The following OR10J1 variants were observed in gnomAD, a reference collection of about 807,000 sequenced individuals.
The protein encoded by OR10J1 is olfactory receptor 10J1.
For missense variants in OR10J1, 474 were observed against 376.6 expected, an observed-to-expected ratio of 1.26 and a Z score of -2.14; for synonymous variants, 202 against 143.8, an observed-to-expected ratio of 1.40 and a Z score of -2.89.
At chr1:159,411,373 T>C in the OR10J1 span, among the ~76,000 whole-genome samples, 1 of 152,194 alleles carries the variant, frequency 6.6e-6, no homozygotes. Flanking sequence ...TTTATGAATC[T>C]GGGTGCTCCT....
chr1:159,421,829 G>A, the OR10J1 span, among the ~76,000 whole-genome samples: 10 of 152,108 alleles, frequency 6.6e-5, no homozygotes, highest in African/African-American at 2.4e-4. Context: ...GACGTACGCT[G>A]GCACTGATTT....
the OR10J1 span, among the ~76,000 whole-genome samples, chr1:159,403,077 ACC>A: frequency 6.6e-6 from 1 of 152,036 alleles, no homozygotes. Context: ...ATTAAACTAG[ACC>A]CCTATCTCTC....
At chr1:159,400,933 A>G in the OR10J1 span, among the ~76,000 whole-genome samples, 1 of 152,002 alleles carries the variant, frequency 6.6e-6, no homozygotes, top group Non-Finnish European at 1.5e-5. Context: ...TCTGGCCAAA[A>G]GGGGATGAAA....
the OR10J1 span, among the ~76,000 whole-genome samples, chr1:159,412,139 A>G: frequency 6.6e-6 from 1 of 152,050 alleles, no homozygotes; most frequent in African/African-American, 2.4e-5. Flanking sequence ...AGGGACGTGA[A>G]GGACCTCTTC....
At chr1:159,423,139 T>C in the OR10J1 span, among the ~76,000 whole-genome samples, 1 of 152,242 alleles carries the variant, frequency 6.6e-6, no homozygotes, top group Non-Finnish European at 1.5e-5. Flanking sequence ...ATACAACAGA[T>C]GGTTCATGTA....
chr1:159,406,289 C>T, the OR10J1 span: 2 of 521,666 alleles, frequency 3.8e-6, no homozygotes, highest in Non-Finnish European at 3.9e-6. Context: ...ACAAAGAAGA[C>T]AAATCTGTGC....
chr1:159,426,284 T>G, the OR10J1 span, among the ~76,000 whole-genome samples: 1 of 151,820 alleles, frequency 6.6e-6, no homozygotes, highest in African/African-American at 2.4e-5. Flanking sequence ...ATTTTAATAA[T>G]CTACCACTTC....
chr1:159,405,862 T>A, the OR10J1 span: 137 of 766,170 alleles, frequency 1.8e-4, 1 homozygote, highest in Admixed American at 9.5e-4. Context: ...GATGACAAAG[T>A]CATCACAAAA....
At chr1:159,439,250 C>T (rs1459496430), upstream of OR10J1, among the ~76,000 whole-genome samples, 2 of 152,132 alleles carry the variant, frequency 1.3e-5, no homozygotes, top group African/African-American at 2.4e-5. Context: ...ACTAGTCCAT[C>T]CCTAAACAAA....
the OR10J1 span, among the ~76,000 whole-genome samples, chr1:159,414,787 G>T: frequency 2.6e-5 from 4 of 152,132 alleles, 1 homozygote; most frequent in Admixed American, 2.6e-4. Flanking sequence ...AGGGTAAGAT[G>T]ATATATCTCA....
chr1:159,430,658 T>C, the OR10J1 span, among the ~76,000 whole-genome samples: 15 of 78,884 alleles, frequency 1.9e-4, no homozygotes, highest in African/African-American at 5.0e-4. Context: ...TGTGTGTGTG[T>C]GTGTGTGTGT....
the OR10J1 span, among the ~76,000 whole-genome samples, chr1:159,410,386 G>T: frequency 6.6e-6 from 1 of 152,120 alleles, no homozygotes; most frequent in Non-Finnish European, 1.5e-5. Flanking sequence ...GCCTGTAATT[G>T]GTCTATTCAG....
the OR10J1 span, among the ~76,000 whole-genome samples, chr1:159,400,807 G>A: frequency 6.6e-6 from 1 of 151,774 alleles, no homozygotes; most frequent in Non-Finnish European, 1.5e-5. Flanking sequence ...TACAAGAGCT[G>A]CAGAATACAC....
chr1:159,430,640 G>GGGGTGTGTGTGT, the OR10J1 span, among the ~76,000 whole-genome samples: 139 of 140,928 alleles, frequency 9.9e-4, 1 homozygote, highest in East Asian at 0.017. Flanking sequence ...AAAAAATTAT[G>GGGGTGTGTGTGT]GTGTGTGTGT....
the OR10J1 span, among the ~76,000 whole-genome samples, chr1:159,431,763 C>T: frequency 1.3e-5 from 2 of 152,206 alleles, no homozygotes; most frequent in Non-Finnish European, 2.9e-5. Context: ...AACACTTCAT[C>T]ATAAAATAGA....
At chr1:159,415,974 G>T in the OR10J1 span, among the ~76,000 whole-genome samples, 1 of 151,410 alleles carries the variant, frequency 6.6e-6, no homozygotes, top group Admixed American at 6.6e-5. Context: ...AAGAAATAAA[G>T]AATTCACTAG....
chr1:159,440,921 AT>A lies in OR10J1; in HGVS notation c.*201del. On this transcript the variant is annotated 3_prime_UTR_variant, in exon 1 of 1. Transcript: ENST00000423932. ...GTGTTATCCCTATTTTTGGGGATAA[AT>A]AGACAAACAAGGATAAGATATGCCT... is the stretch of plus-strand genomic sequence containing the variant. 1 of 543,016 alleles carries A rather than the reference AT, an allele frequency of 1.8e-6. No individual in the cohort carries two copies. The highest frequency in any genetic ancestry group is 3.1e-6 in the Non-Finnish European group (1 of 318,508). The allele number at this position is 543,016 out of a possible 1,614,324, so 33.6% of individuals were successfully genotyped here. A position where few individuals can be genotyped will look rare whatever the true frequency, so the allele number is the denominator to read the frequency against.
the OR10J1 span, among the ~76,000 whole-genome samples, chr1:159,404,796 G>A: frequency 6.6e-6 from 1 of 152,200 alleles, no homozygotes; most frequent in Admixed American, 6.5e-5. Context: ...CTATCTATAT[G>A]TGCTTTAGTA....
At chr1:159,432,126 A>G in the OR10J1 span, 1 of 399,742 alleles carries the variant, frequency 2.5e-6, no homozygotes, top group Non-Finnish European at 4.4e-6. Context: ...GCTGATGACG[A>G]TCCTGGACCA....
Sources: allele counts gnomAD v4.1 joint callset (sites outside exome capture counted in the v4.1 genomes callset), GRCh38; gene constraint gnomAD v4.1.1; transcripts MANE v1.5; gene names NCBI Gene and HGNC (gene_info 2026-07-23, HGNC 2026-07-21).